PGM5: variants seen among roughly 807,000 people sequenced by gnomAD.
PGM5 encodes phosphoglucomutase-like protein 5.
PGM5 carries 23 observed loss-of-function variants against 59.2 expected under a neutral mutation model. The observed-to-expected ratio is 0.39, with a 90% CI of 0.28 to 0.55. PGM5 has a LOEUF of 0.55. Among genes scored for constraint, PGM5 ranks in the 20% least tolerant of loss-of-function variants. PGM5 has a pLI of 0.66. For missense variants in PGM5, 574 were observed against 748.3 expected (o/e 0.77, Z 2.72); for synonymous variants, 214 against 286.0 (o/e 0.75, Z 2.54).
At chr9:68,426,048 C>G (rs1554682674) in intron 6 of PGM5, among the ~76,000 whole-genome samples, 1 of 152,074 alleles carries the variant, frequency 6.6e-6, no homozygotes, top group Non-Finnish European at 1.5e-5. Context: ...ATTTTTTAAG[C>G]TGACTTTACT....
chr9:68,472,802 A>C (rs938214200), intron 7 of PGM5, among the ~76,000 whole-genome samples: 4 of 152,062 alleles, frequency 2.6e-5, no homozygotes, highest in African/African-American at 9.7e-5. Flanking sequence ...AACACTATTT[A>C]TTACTATTTT....
intron 6 of PGM5, among the ~76,000 whole-genome samples, chr9:68,411,756 G>A (rs1554681623): frequency 6.6e-6 from 1 of 152,116 alleles, no homozygotes; most frequent in East Asian, 1.9e-4. Flanking sequence ...TGCATGGAAT[G>A]CCACAATAGA....
rs191462647 is a variant in PGM5, at chr9:68,484,196, T to C, written c.1479+148T>C. ...AGCCAGGAAAGAGGAAAGCCCTTGA[T>C]GAAGGACACCTAACAAGTTAGTGCA... On this transcript the variant is annotated intron_variant, in intron 9 of 10. Coordinates refer to ENST00000396396, the MANE Select transcript of PGM5 (RefSeq NM_021965.4). 1.5e-3 allele frequency: 991 copies of C among 681,952 alleles called. 1 individual carries two copies. The highest frequency in any genetic ancestry group is 1.8e-3 in the Non-Finnish European group (726 of 398,310). 42.2% of individuals were successfully genotyped at this position (681,952 alleles called of 1,614,324 possible). A position where few individuals can be genotyped will look rare whatever the true frequency, so the allele number is the denominator to read the frequency against.
intron 6 of PGM5, among the ~76,000 whole-genome samples, chr9:68,449,836 C>A (rs782502234): frequency 6.6e-6 from 1 of 152,162 alleles, no homozygotes; most frequent in Non-Finnish European, 1.5e-5. Flanking sequence ...TTACAAGTGT[C>A]GCAGAATTAA....
intron 10 of PGM5, among the ~76,000 whole-genome samples, chr9:68,519,897 CAATAAATA>C (rs58819780): frequency 0.077 from 10,790 of 139,796 alleles, 1,365 homozygotes; most frequent in African/African-American, 0.27. Context: ...CTTGTCTTTA[CAATAAATA>C]AATAAATAAA....
At chr9:68,505,844 C>T (rs1824645086) in intron 10 of PGM5, among the ~76,000 whole-genome samples, 1 of 152,174 alleles carries the variant, frequency 6.6e-6, no homozygotes, top group Non-Finnish European at 1.5e-5. Context: ...TGCTCCCCTC[C>T]CTATAGGTCA....
intron 9 of PGM5, among the ~76,000 whole-genome samples, chr9:68,495,166 T>C (rs1054333560): frequency 3.3e-5 from 5 of 152,222 alleles, no homozygotes; most frequent in Admixed American, 1.3e-4. Flanking sequence ...AACACTGCGG[T>C]GGAAACTTGT....
At chr9:68,455,968 C>T (rs1460275684) in intron 6 of PGM5, among the ~76,000 whole-genome samples, 1 of 152,082 alleles carries the variant, frequency 6.6e-6, no homozygotes, top group Non-Finnish European at 1.5e-5. Context: ...GGCTGTTTGT[C>T]GCTGTAGAAA....
At chr9:68,439,870 A>G (rs1823500008) in intron 6 of PGM5, among the ~76,000 whole-genome samples, 1 of 151,990 alleles carries the variant, frequency 6.6e-6, no homozygotes, top group South Asian at 2.1e-4. Context: ...AGGGAAAATG[A>G]CTTTTAAAGT....
intron 10 of PGM5, 96 bp downstream of exon 10, chr9:68,499,457 G>A (rs1290328420): frequency 2.8e-5 from 35 of 1,253,942 alleles, no homozygotes; most frequent in Non-Finnish European, 3.6e-5. Context: ...TTACCTCCTG[G>A]AAAGGTACAT....
intron 6 of PGM5, among the ~76,000 whole-genome samples, chr9:68,393,270 T>C (rs1802142070): frequency 6.6e-6 from 1 of 151,676 alleles, no homozygotes; most frequent in Admixed American, 6.6e-5. Flanking sequence ...GAAAAACTTA[T>C]ATTCCTTACT....
chr9:68,391,758 T>C (rs782656750), intron 5 of PGM5, 34 bp downstream of exon 5: 276 of 1,604,638 alleles, frequency 1.7e-4, no homozygotes, highest in Non-Finnish European at 2.3e-4. Flanking sequence ...GCTGACCCTT[T>C]GATCATATAA....
chr9:68,397,926 C>G (rs1216283938), intron 6 of PGM5: 14 of 152,226 alleles, frequency 9.2e-5, no homozygotes, highest in Non-Finnish European at 1.8e-4. Flanking sequence ...TTGCCAATCC[C>G]CAATCTAAAA....
intron 9 of PGM5, among the ~76,000 whole-genome samples, chr9:68,489,484 T>TTA (rs1490447010): frequency 6.6e-6 from 1 of 150,798 alleles, no homozygotes; most frequent in African/African-American, 2.4e-5. Context: ...TTTTTTTTTT[T>TTA]AGACAGAGTC....
intron 2 of PGM5, among the ~76,000 whole-genome samples, chr9:68,383,357 A>G (rs1337227043): frequency 2.6e-5 from 4 of 152,158 alleles, no homozygotes; most frequent in African/African-American, 9.6e-5. Flanking sequence ...TATCTAAAAT[A>G]TTATTATACC....
At chr9:68,413,170 A>G (rs1270189763) in intron 6 of PGM5, among the ~76,000 whole-genome samples, 2 of 152,188 alleles carry the variant, frequency 1.3e-5, no homozygotes, top group Admixed American at 6.5e-5. Context: ...AAAGGGAGTC[A>G]TGTTCCTTCT....
intron 10 of PGM5, among the ~76,000 whole-genome samples, chr9:68,522,406 G>C (rs1465667892): frequency 6.6e-6 from 1 of 152,178 alleles, no homozygotes; most frequent in African/African-American, 2.4e-5. Flanking sequence ...GGATGTACAG[G>C]AAAGGGAGAA....
chr9:68,404,024 G>T (rs1265041235), intron 6 of PGM5, among the ~76,000 whole-genome samples: 1 of 152,184 alleles, frequency 6.6e-6, no homozygotes, highest in Non-Finnish European at 1.5e-5. Flanking sequence ...AAGATCATCA[G>T]CAGCAGCTGC....
chr9:68,484,139 A>G, intron 9 of PGM5, 91 bp downstream of exon 9: 1 of 1,089,044 alleles, frequency 9.2e-7, no homozygotes, highest in Non-Finnish European at 1.4e-6. Context: ...GGATGATCTA[A>G]GGTGACCTCA....
Sources: gnomAD v4.1 joint callset for allele counts (sites outside exome capture counted in the v4.1 genomes callset) on GRCh38, gnomAD v4.1.1 for gene constraint, MANE v1.5 for transcripts, NCBI Gene and HGNC (gene_info 2026-07-23, HGNC 2026-07-21) for gene names.